BRD7: variants seen among roughly 807,000 people sequenced by gnomAD.
The protein encoded by BRD7 is bromodomain-containing protein 7.
BRD7 carries 15 observed loss-of-function variants against 82.1 expected under a neutral mutation model. The observed-to-expected ratio is 0.18, with a 90% CI of 0.12 to 0.28. The LOEUF is 0.28. BRD7 is among the 10% of genes least tolerant of loss of function. BRD7 has a pLI of 1.00. For synonymous variants in BRD7, 232 were observed against 266.9 expected (o/e 0.87, Z 1.27); for missense variants, 638 against 779.9 (o/e 0.82, Z 2.17).
intron 14 of BRD7, 114 bp from the exon 15 acceptor site, chr16:50,320,505 C>T (rs567018452): frequency 5.6e-5 from 84 of 1,493,074 alleles, no homozygotes; most frequent in African/African-American, 1.4e-4. Flanking sequence ...AAGAGTAATC[C>T]GCTTGAAATG....
chr16:50,319,502 A>G (rs1218011359), intron 16 of BRD7, among the ~76,000 whole-genome samples: 1 of 152,240 alleles, frequency 6.6e-6, no homozygotes, highest in Non-Finnish European at 1.5e-5. Flanking sequence ...TTATACATTA[A>G]AAACAGATAA....
chr16:50,333,933 ACG>A (rs1220490676), intron 7 of BRD7, among the ~76,000 whole-genome samples: 1 of 152,236 alleles, frequency 6.6e-6, no homozygotes, highest in African/African-American at 2.4e-5. Flanking sequence ...CTTGTGTTAA[ACG>A]TTTTTCTGGG....
chr16:50,347,358 G>A (rs966803061), intron 5 of BRD7, among the ~76,000 whole-genome samples: 4 of 152,210 alleles, frequency 2.6e-5, no homozygotes, highest in East Asian at 1.9e-4. Flanking sequence ...ACAAGACAGG[G>A]ATGACCTCTC....
chr16:50,320,069 T>C, intron 15 of BRD7, 39 bp from the exon 16 acceptor site: 2 of 1,576,370 alleles, frequency 1.3e-6, no homozygotes, highest in Non-Finnish European at 1.7e-6. Context: ...TAAAGCATGG[T>C]TCCTTTAGAT....
chr16:50,347,801 G>A (rs575259511), intron 5 of BRD7, among the ~76,000 whole-genome samples: 31 of 152,286 alleles, frequency 2.0e-4, no homozygotes, highest in South Asian at 6.2e-4. Context: ...CTCATGGGTA[G>A]GAAGAATCAA....
At chr16:50,367,423 T>C (rs186520867) in intron 2 of BRD7, among the ~76,000 whole-genome samples, 168 of 152,184 alleles carry the variant, frequency 1.1e-3, no homozygotes, top group African/African-American at 3.8e-3. Flanking sequence ...AGGGCCTTGC[T>C]ATGTTGCCCA....
chr16:50,345,508 T>A (rs1188478502), intron 5 of BRD7, among the ~76,000 whole-genome samples: 275 of 138,620 alleles, frequency 2.0e-3, no homozygotes, highest in African/African-American at 4.1e-3. Flanking sequence ...ATCAGTGTGC[T>A]GTATTCAGGA....
chr16:50,318,976 T>A lies in BRD7; in HGVS notation c.*235A>T. 2.2e-6 allele frequency: 1 copy of A among 444,962 alleles called. No homozygotes were observed. Among genetic ancestry groups the A allele is most frequent in the Non-Finnish European group, 4.0e-6 (1 of 247,064 alleles). 27.6% of individuals were successfully genotyped at this position (444,962 alleles called of 1,614,324 possible). A position where few individuals can be genotyped will look rare whatever the true frequency, so the allele number is the denominator to read the frequency against. ...ATAAGGAAGAAGCATTGGAAGGCACTATTTTGAAAGAATGCTGCACAGGTA... is the reference window on the plus strand; with the variant it reads ...ATAAGGAAGAAGCATTGGAAGGCACAATTTTGAAAGAATGCTGCACAGGTA... On this transcript the variant is annotated 3_prime_UTR_variant, in exon 17 of 17. Coordinates refer to ENST00000394688, the MANE Select transcript of BRD7 (RefSeq NM_013263.5).
intron 9 of BRD7, among the ~76,000 whole-genome samples, chr16:50,326,822 G>A (rs2037360482): frequency 6.6e-6 from 1 of 152,172 alleles, no homozygotes; most frequent in South Asian, 2.1e-4. Flanking sequence ...TCTATGAAAG[G>A]CATACTTTTA....
intron 2 of BRD7, among the ~76,000 whole-genome samples, chr16:50,367,178 G>C (rs796892477): frequency 2.6e-5 from 4 of 152,308 alleles, no homozygotes; most frequent in African/African-American, 9.6e-5. Context: ...GATGTAATAA[G>C]TCGTTCAGTG....
chr16:50,334,046 C>T (rs1244708573), intron 7 of BRD7, among the ~76,000 whole-genome samples: 1 of 152,208 alleles, frequency 6.6e-6, no homozygotes, highest in Non-Finnish European at 1.5e-5. Context: ...AAAACAAGCA[C>T]TTAAGTGTGT....
chr16:50,354,936 A>C lies in BRD7; in HGVS notation c.259-14T>G. 4 of 1,609,246 alleles carry C rather than the reference A, an allele frequency of 2.5e-6. No individual in the cohort carries two copies. The highest frequency in any genetic ancestry group is 3.4e-6 in the Non-Finnish European group (4 of 1,178,516). ...CTTTTTATCCTCCTAAATGGAACAA[A>C]GGGAGATAATTTAGAAATATTTCAG... is the stretch of plus-strand genomic sequence containing the variant. On this transcript the variant is annotated splice_polypyrimidine_tract_variant and intron_variant, in intron 2 of 16. Coordinates refer to ENST00000394688, the MANE Select transcript of BRD7 (RefSeq NM_013263.5).
intron 4 of BRD7, 21 bp from the exon 5 acceptor site, chr16:50,350,188 C>A: frequency 2.0e-6 from 3 of 1,527,110 alleles, no homozygotes; most frequent in South Asian, 1.3e-5. Context: ...ATGCAAAAGA[C>A]AATGTAATAT....
chr16:50,352,845 A>G (rs2038587765), intron 4 of BRD7, among the ~76,000 whole-genome samples: 1 of 151,720 alleles, frequency 6.6e-6, no homozygotes, highest in South Asian at 2.1e-4. Context: ...TAATTAAGTC[A>G]TTTCTTTTAA....
chr16:50,320,157 G>T, intron 15 of BRD7, 91 bp downstream of exon 15: 1 of 1,531,548 alleles, frequency 6.5e-7, no homozygotes, highest in Admixed American at 2.1e-5. Context: ...ATTCACATCA[G>T]CATTACTCTA....
In BRD7 at chr16:50,320,622, C is replaced by T. The variant is rs930479821; in HGVS notation, c.1612+41G>A. 8.8e-6 allele frequency: 13 copies of T among 1,480,658 alleles called. No homozygotes were observed. The Middle Eastern group carries it at 5.5e-4, about 62-fold the overall frequency. 91.7% of individuals were successfully genotyped at this position (1,480,658 alleles called of 1,614,324 possible). Reference sequence around the variant, plus strand: ...TGAGACATGAAATCTTGACTGCCTACATCATGCAGTGTTTCAATCAAACCC... The same window carrying T: ...TGAGACATGAAATCTTGACTGCCTATATCATGCAGTGTTTCAATCAAACCC... On this transcript the variant is annotated intron_variant, in intron 14 of 16. Transcript: ENST00000394688.
At position 50,354,811 on chromosome 16, in the gene BRD7, A is replaced by G. The variant is rs1322470175; in HGVS notation, c.370T>C (p.Ser124Pro). 4 of 1,611,692 alleles carry G rather than the reference A, an allele frequency of 2.5e-6. No homozygotes were observed. Among genetic ancestry groups the G allele is most frequent in the Non-Finnish European group, 3.4e-6 (4 of 1,179,810 alleles). The change falls in exon 3 of 17, where the codon TCT becomes CCT. Residue 124 changes from serine to proline, a missense_variant. Around this residue, in one of 3 missense-constraint regions of BRD7, gnomAD observed 172 missense variants for 155.3 expected, o/e 1.11. Transcript: ENST00000394688. ...DLPPEKPLTS[S>P]LAKQEEVEQT... ...TTCCAACCTTCTTGTTTGGCTAAAG[A>G]GCTTGTGAGAGGCTTCTCAGGAGGC... is the stretch of plus-strand genomic sequence containing the variant.
chr16:50,360,544 G>A (rs780669129), intron 2 of BRD7, among the ~76,000 whole-genome samples: 5 of 152,102 alleles, frequency 3.3e-5, no homozygotes, highest in Admixed American at 6.5e-5. Context: ...AGCTGCCCAC[G>A]GCAGAATGAC....
rs891566454 is a variant in BRD7 at position 50,368,176 on chromosome 16, G to A, written c.172C>T (p.His58Tyr). Residue 58 changes from histidine (H) to tyrosine (Y), a missense_variant, in exon 2 of 17, where the codon CAC (histidine) becomes TAC (tyrosine). Around this residue, in one of 3 missense-constraint regions of BRD7, gnomAD observed 172 missense variants for 155.3 expected, o/e 1.11. Coordinates refer to ENST00000394688, the MANE Select transcript of BRD7 (RefSeq NM_013263.5). ...LFEDKNDHDK[H>Y]KDRKRKKRKK... ...CTCTTTTTCCGCTTTCTGTCCTTGT[G>A]TTTGTCATGATCGTTTTTGTCTTCG... The A allele has an allele frequency of 5.6e-6, 9 of 1,614,032 alleles. No individual in the cohort carries two copies. The African/African-American group carries it at 1.2e-4, about 22-fold the overall frequency.
Sources: gnomAD v4.1 joint callset for allele counts (sites outside exome capture counted in the v4.1 genomes callset) on GRCh38, gnomAD v4.1.1 for gene constraint, gnomAD v4.1.1 regional missense constraint, MANE v1.5 for transcripts, NCBI Gene and HGNC (gene_info 2026-07-23, HGNC 2026-07-21) for gene names.